The following TMEM225 variants were observed in gnomAD, a reference collection of about 807,000 sequenced individuals.
TMEM225 encodes transmembrane protein 225.
In TMEM225, 10 loss-of-function variants were observed where a neutral mutation model predicts 17.6. That is an observed-to-expected ratio of 0.57 (90% CI 0.35 to 0.96). The LOEUF (loss-of-function observed/expected upper bound fraction) is 0.96. Ranked by LOEUF, TMEM225 falls within the 40% of genes least tolerant of loss-of-function variation. TMEM225 has a pLI of 0.02. For synonymous variants in TMEM225, 101 were observed against 94.5 expected, an observed-to-expected ratio of 1.07 and a Z score of -0.40; for missense variants, 245 against 271.5, an observed-to-expected ratio of 0.90 and a Z score of 0.69.
intron 3 of TMEM225, among the ~76,000 whole-genome samples, chr11:123,883,600 A>C (rs1862994805): frequency 6.6e-6 from 1 of 152,158 alleles, no homozygotes. Flanking sequence ...TGGGTTAGGA[A>C]GTGTAATTAC....
At chr11:123,883,645 G>A (rs1862995540) in intron 3 of TMEM225, among the ~76,000 whole-genome samples, 2 of 152,112 alleles carry the variant, frequency 1.3e-5, no homozygotes, top group African/African-American at 2.4e-5. Context: ...GGAAAGGGGA[G>A]ACTTCGGTTT....
At chr11:123,883,791 G>A (rs1862998141) in intron 3 of TMEM225, among the ~76,000 whole-genome samples, 1 of 152,156 alleles carries the variant, frequency 6.6e-6, no homozygotes, top group Non-Finnish European at 1.5e-5. Context: ...CCTTGGTCAT[G>A]ACTTTGGTGG....
In TMEM225 at chr11:123,883,016, A is replaced by G; in HGVS notation, c.*122T>C. On this transcript the variant is annotated 3_prime_UTR_variant, in exon 4 of 4. Transcript: ENST00000375026. ...AGGATTTTTTAAAAAACCATCTTCC[A>G]GATCTTTTTACAAACCCCAACCATA... 1.3e-6 allele frequency: 1 copy of G among 763,798 alleles called. No individual in the cohort carries two copies. Among genetic ancestry groups the G allele is most frequent in the Non-Finnish European group, 2.1e-6 (1 of 482,708 alleles). The allele number at this position is 763,798 out of a possible 1,614,324, so 47.3% of individuals were successfully genotyped here.
In TMEM225 at chr11:123,883,357, G is replaced by C. The variant is rs1360830265; in HGVS notation, c.464-5C>G. The C allele has an allele frequency of 3.8e-6, 6 of 1,596,196 alleles. No individual in the cohort carries two copies. The African/African-American group carries it at 5.4e-5, about 14-fold the overall frequency. ...ACTCTAGGAGAGAGAGGACTCCTAG[G>C]GAAAAGAGATTCCAGGGAGTGGGAT... On this transcript the variant is annotated splice_region_variant and splice_polypyrimidine_tract_variant and intron_variant, in intron 3 of 3. Coordinates refer to ENST00000375026, the MANE Select transcript of TMEM225 (RefSeq NM_001013743.3).
intron 1 of TMEM225, 40 bp downstream of exon 1, chr11:123,885,205 C>G: frequency 6.3e-7 from 1 of 1,583,790 alleles, no homozygotes; most frequent in Non-Finnish European, 8.6e-7. Flanking sequence ...AGGACACACC[C>G]TTCCTTTCCA....
At position 123,883,037 on chromosome 11, in the gene TMEM225, C is replaced by A; in HGVS notation, c.*101G>T. 1 of 1,001,586 alleles carries A rather than the reference C, an allele frequency of 1.0e-6. No individual in the cohort carries two copies. Among genetic ancestry groups the A allele is most frequent in the East Asian group, 2.5e-5 (1 of 40,572 alleles). 62.0% of individuals were successfully genotyped at this position (1,001,586 alleles called of 1,614,324 possible). A position where few individuals can be genotyped will look rare whatever the true frequency, so the allele number is the denominator to read the frequency against. ...TTCCAGATCTTTTTACAAACCCCAA[C>A]CATAATTCCAAATAGAGACAACATG... On this transcript the variant is annotated 3_prime_UTR_variant, in exon 4 of 4. Transcript: ENST00000375026.
In TMEM225 at chr11:123,884,564, C is replaced by A. The variant is rs1273932804; in HGVS notation, c.254G>T (p.Gly85Val). 1 of 1,613,238 alleles carries A rather than the reference C, an allele frequency of 6.2e-7. No individual in the cohort carries two copies. The highest frequency in any genetic ancestry group is 2.2e-5 in the East Asian group (1 of 44,800). ...GLSFLLNLIL[G>V]MKFTYLIPQN... ...AGGAATCAGATAGGTGAATTTCATA[C>A]CCAGGATTAAGTTAAGGAGGAAGGA... The change falls in exon 2 of 4, where the codon GGT (glycine) becomes GTT (valine). Residue 85 changes from glycine to valine, a missense_variant. Gly to Val is a moderately radical substitution (Grantham distance 109). Transcript: ENST00000375026.
chr11:123,885,491 A>T lies in TMEM225; in HGVS notation c.-66T>A. On this transcript the variant is annotated 5_prime_UTR_variant, in exon 1 of 4. Transcript: ENST00000375026. ...TGTAGATCTCTTCCTTGATTTGATT[A>T]GTTACAAGAAGGGTGATATCTGAAC... The T allele has an allele frequency of 6.8e-7, 1 of 1,465,130 alleles. No individual in the cohort carries two copies. The highest frequency in any genetic ancestry group is 1.3e-5 in the South Asian group (1 of 77,316). 90.8% of individuals were successfully genotyped at this position (1,465,130 alleles called of 1,614,324 possible). A position where few individuals can be genotyped will look rare whatever the true frequency, so the allele number is the denominator to read the frequency against.
Position 123,884,222 on chromosome 11 carries a change from CAAAAAAA to C in TMEM225, c.329-20_329-14del, listed in dbSNP as rs61366176. ...AGCAGAGAGATACCTGATGTCCAGACAAAAAAAAAAAAAAAAAAAGAAAAAGAAAAAA... is the reference window on the plus strand; with the variant it reads ...AGCAGAGAGATACCTGATGTCCAGACAAAAAAAAAAAAGAAAAAGAAAAAA... On this transcript the variant is annotated splice_polypyrimidine_tract_variant and intron_variant, in intron 2 of 3. Coordinates refer to ENST00000375026, the MANE Select transcript of TMEM225 (RefSeq NM_001013743.3). 852 of 1,235,624 alleles carry C rather than the reference CAAAAAAA, an allele frequency of 6.9e-4. No homozygotes were observed. The highest frequency in any genetic ancestry group is 2.3e-3 in the South Asian group (114 of 49,248). 76.5% of individuals were successfully genotyped at this position (1,235,624 alleles called of 1,614,324 possible). A position where few individuals can be genotyped will look rare whatever the true frequency, so the allele number is the denominator to read the frequency against.
chr11:123,883,305 AG>A lies in TMEM225; in HGVS notation c.510del (p.Cys171AlafsTer2). ...LECKLSTSSC[T>X]CLNIHKSDNE... is the part of the protein sequence containing the mutation. Reference sequence around the variant, plus strand: ...TTGTCAGATTTATGGATGTTCAGGCAGGTACAGCTACTGGTAGACAACTTGC... The same window carrying A: ...TTGTCAGATTTATGGATGTTCAGGCAGTACAGCTACTGGTAGACAACTTGC... On this transcript the variant is annotated frameshift_variant, in exon 4 of 4. Transcript: ENST00000375026. LOFTEE classifies it low-confidence loss of function (END_TRUNC). The A allele has an allele frequency of 1.9e-6, 3 of 1,613,352 alleles. No homozygotes were observed. The highest frequency in any genetic ancestry group is 2.5e-6 in the Non-Finnish European group (3 of 1,179,558).
chr11:123,884,010 T>C, intron 3 of TMEM225, 65 bp downstream of exon 3: 2 of 1,494,282 alleles, frequency 1.3e-6, no homozygotes, highest in Non-Finnish European at 8.9e-7. Flanking sequence ...CTCATCTTTT[T>C]ACCCTTCCCT....
Position 123,884,632 on chromosome 11 carries a change from G to A in TMEM225, c.186C>T (p.Asp62=). 2.5e-6 allele frequency: 4 copies of A among 1,609,340 alleles called. No individual in the cohort carries two copies. Among genetic ancestry groups the A allele is most frequent in the African/African-American group, 1.3e-5 (1 of 74,718 alleles). The change falls in exon 2 of 4, where the codon GAC becomes GAT. Residue 62 remains aspartate (D), a synonymous_variant. Coordinates refer to ENST00000375026, the MANE Select transcript of TMEM225 (RefSeq NM_001013743.3). ...TCATCATAATCCTGACCACTTTCAGGTCATCTGTTGGAAAGCAAAAGCTGT... is the reference window on the plus strand; with the variant it reads ...TCATCATAATCCTGACCACTTTCAGATCATCTGTTGGAAAGCAAAAGCTGT... ...MCCPALWPED[D]LKVVRIMMTS... is the part of the protein sequence containing the mutation.
chr11:123,885,487 G>C lies in TMEM225; in HGVS notation c.-62C>G, dbSNP rs974431628. 91 of 1,500,174 alleles carry C rather than the reference G, an allele frequency of 6.1e-5. No homozygotes were observed. Among genetic ancestry groups the C allele is most frequent in the Non-Finnish European group, 1.3e-5 (14 of 1,099,456 alleles). 92.9% of individuals were successfully genotyped at this position (1,500,174 alleles called of 1,614,324 possible). A position where few individuals can be genotyped will look rare whatever the true frequency, so the allele number is the denominator to read the frequency against. On this transcript the variant is annotated 5_prime_UTR_variant, in exon 1 of 4. The change creates a new upstream start codon in the 5' untranslated region. Coordinates refer to ENST00000375026, the MANE Select transcript of TMEM225 (RefSeq NM_001013743.3). ...ATTTTGTAGATCTCTTCCTTGATTT[G>C]ATTAGTTACAAGAAGGGTGATATCT...
Position 123,884,218 on chromosome 11 carries a change from C to T in TMEM225, c.329-9G>A, listed in dbSNP as rs201884113. 2.0e-5 allele frequency: 25 copies of T among 1,241,042 alleles called. No individual in the cohort carries two copies. Among genetic ancestry groups the T allele is most frequent in the East Asian group, 2.8e-5 (1 of 35,616 alleles). The allele number at this position is 1,241,042 out of a possible 1,614,324, so 76.9% of individuals were successfully genotyped here. On this transcript the variant is annotated splice_polypyrimidine_tract_variant and intron_variant, in intron 2 of 3. Coordinates refer to ENST00000375026, the MANE Select transcript of TMEM225 (RefSeq NM_001013743.3). ...CCAGAGCAGAGAGATACCTGATGTC[C>T]AGACAAAAAAAAAAAAAAAAAAAGA...
chr11:123,885,188 C>A (rs1224137577), intron 1 of TMEM225, 57 bp downstream of exon 1: 25 of 1,514,158 alleles, frequency 1.7e-5, no homozygotes, highest in Non-Finnish European at 2.2e-5. Context: ...TAAGGAAAGC[C>A]AAGTTAAGGA....
In TMEM225 at chr11:123,882,994, A is replaced by AT. The variant is rs1194819173; in HGVS notation, c.*143dup. The AT allele has an allele frequency of 3.6e-5, 21 of 588,774 alleles. No individual in the cohort carries two copies. 36.5% of individuals were successfully genotyped at this position (588,774 alleles called of 1,614,324 possible). ...GAAACTATTCGTTCAGCAGGCCAGG[A>AT]TTTTTTAAAAAACCATCTTCCAGAT... On this transcript the variant is annotated 3_prime_UTR_variant, in exon 4 of 4. Transcript: ENST00000375026.
At chr11:123,884,685 C>T (rs1250782953) in intron 1 of TMEM225, 49 bp from the exon 2 acceptor site, 8 of 1,551,236 alleles carry the variant, frequency 5.2e-6, no homozygotes, top group Non-Finnish European at 7.0e-6. Flanking sequence ...TTCTTCTAGA[C>T]TCATTTCTAC....
chr11:123,883,343 G>T lies in TMEM225; in HGVS notation c.473C>A (p.Ser158Tyr). 6.2e-7 allele frequency: 1 copy of T among 1,608,590 alleles called. No individual in the cohort carries two copies. Among genetic ancestry groups the T allele is most frequent in the African/African-American group, 1.3e-5 (1 of 74,846 alleles). Residue 158 changes from serine to tyrosine, a missense_variant, in exon 4 of 4, where the codon TCT becomes TAT. Ser to Tyr is a moderately radical substitution (Grantham distance 144). Transcript: ENST00000375026. The part of the protein sequence containing the change: ...VFFLSVCGVL[S>Y]LLECKLSTSS... ...GGTAGACAACTTGCACTCTAGGAGAGAGAGGACTCCTAGGGAAAAGAGATT... is the reference window on the plus strand; with the variant it reads ...GGTAGACAACTTGCACTCTAGGAGATAGAGGACTCCTAGGGAAAAGAGATT...
chr11:123,885,467 G>T lies in TMEM225; in HGVS notation c.-42C>A, dbSNP rs1006879862. On this transcript the variant is annotated 5_prime_UTR_variant, in exon 1 of 4. Transcript: ENST00000375026. ...TAGCTGGAACCACCACCACTATTTT[G>T]TAGATCTCTTCCTTGATTTGATTAG... The T allele has an allele frequency of 2.6e-6, 4 of 1,566,100 alleles. No homozygotes were observed. In the African/African-American group the frequency reaches 5.4e-5, roughly 21 times the overall value.
Sources: gnomAD v4.1 joint callset for allele counts (sites outside exome capture counted in the v4.1 genomes callset) on GRCh38, gnomAD v4.1.1 for gene constraint, MANE v1.5 for transcripts, NCBI Gene and HGNC (gene_info 2026-07-23, HGNC 2026-07-21) for gene names.